Variants in RCAN2 observed in about 807,000 individuals in gnomAD.
RCAN2 encodes the protein calcipressin-2.
RCAN2 carries 9 observed loss-of-function variants against 23.6 expected under a neutral mutation model. The ratio of observed to expected loss-of-function variants is 0.38; its 90% CI spans 0.23 to 0.67. The LOEUF (loss-of-function observed/expected upper bound fraction) is 0.67. Ranked by LOEUF, RCAN2 falls within the 30% of genes least tolerant of loss-of-function variation. The pLI is 0.51. For synonymous variants in RCAN2, 109 were observed against 115.7 expected (o/e 0.94, Z 0.37); for missense variants, 273 against 302.3 (o/e 0.90, Z 0.72).
At chr6:46,352,311 A>G (rs1410036741) in intron 2 of RCAN2, among the ~76,000 whole-genome samples, 1 of 152,202 alleles carries the variant, frequency 6.6e-6, no homozygotes, top group Non-Finnish European at 1.5e-5. Context: ...TAAGTAAGAA[A>G]ATAAAAAGAT....
At chr6:46,441,481 G>A (rs1582204507) in intron 2 of RCAN2, among the ~76,000 whole-genome samples, 1 of 152,116 alleles carries the variant, frequency 6.6e-6, no homozygotes, top group Non-Finnish European at 1.5e-5. Context: ...ATGACACAGT[G>A]CATTCTATGT....
At chr6:46,305,402 C>T (rs890568789) in intron 2 of RCAN2, among the ~76,000 whole-genome samples, 5 of 152,200 alleles carry the variant, frequency 3.3e-5, no homozygotes, top group Middle Eastern at 3.4e-3. Flanking sequence ...ATCACGTTGG[C>T]TCCACTTCCT....
chr6:46,263,201 T>C lies in RCAN2; in HGVS notation c.226-14305A>G, dbSNP rs1268449458. 2.0e-5 allele frequency among the ~76,000 whole-genome samples: 3 copies of C among 152,206 alleles called. No individual in the cohort carries two copies. The South Asian group carries it at 6.2e-4, about 32-fold the overall frequency. ...GTCCTCCCTCCCACACACTACCGTT[T>C]GATGAATTTGTTCTTTTCTTCAAAG... On this transcript the variant is annotated intron_variant, in intron 2 of 4. Transcript: ENST00000371374.
intron 2 of RCAN2, among the ~76,000 whole-genome samples, chr6:46,299,822 C>T (rs1762846441): frequency 1.3e-5 from 2 of 151,772 alleles, no homozygotes; most frequent in African/African-American, 4.8e-5. Flanking sequence ...CAATATTGAA[C>T]ACAGTAAGTG....
At chr6:46,273,377 C>T (rs1022448553) in intron 2 of RCAN2, among the ~76,000 whole-genome samples, 5 of 152,158 alleles carry the variant, frequency 3.3e-5, no homozygotes, top group African/African-American at 9.7e-5. Context: ...ATGGTGTTTG[C>T]GTAGCACTTC....
intron 2 of RCAN2, among the ~76,000 whole-genome samples, chr6:46,330,682 TATTTAA>T (rs912552736): frequency 4.6e-5 from 7 of 152,170 alleles, no homozygotes; most frequent in Non-Finnish European, 7.3e-5. Context: ...ATAGTTTGCT[TATTTAA>T]ATTGGGATCC....
chr6:46,483,064 C>T (rs1206659109), intron 1 of RCAN2, among the ~76,000 whole-genome samples: 3 of 152,112 alleles, frequency 2.0e-5, no homozygotes, highest in South Asian at 2.1e-4. Flanking sequence ...CAGGGGAAAC[C>T]GCTCACCTAG....
intron 4 of RCAN2, among the ~76,000 whole-genome samples, chr6:46,227,170 G>GCTGCT (rs748660777): frequency 1.3e-5 from 2 of 152,182 alleles, no homozygotes; most frequent in Non-Finnish European, 2.9e-5. Flanking sequence ...TTTTTGATGT[G>GCTGCT]CTGCTGGATT....
intron 2 of RCAN2, among the ~76,000 whole-genome samples, chr6:46,414,657 G>A (rs933179967): frequency 6.6e-6 from 1 of 152,166 alleles, no homozygotes; most frequent in East Asian, 1.9e-4. Flanking sequence ...CTTCCCTGGA[G>A]AAAGAGGGAA....
At position 46,433,519 on chromosome 6, in the gene RCAN2, G is replaced by A. The variant is rs1767276862; in HGVS notation, c.225+23233C>T. Among the ~76,000 whole-genome samples the A allele has an allele frequency of 2.0e-5, 3 of 152,226 alleles. No individual in the cohort carries two copies. In the South Asian group the frequency reaches 6.2e-4, roughly 32 times the overall value. ...GAGGGAGGCAAGAGGATCAGACTCAGAGAAGGAGGTGTGTTATTGGAAGCA... is the reference window on the plus strand; with the variant it reads ...GAGGGAGGCAAGAGGATCAGACTCAAAGAAGGAGGTGTGTTATTGGAAGCA... On this transcript the variant is annotated intron_variant, in intron 2 of 4. Transcript: ENST00000371374.
chr6:46,247,803 T>C (rs1298776735), intron 3 of RCAN2, among the ~76,000 whole-genome samples: 7 of 152,248 alleles, frequency 4.6e-5, no homozygotes, highest in African/African-American at 9.6e-5. Flanking sequence ...AATAGTGCTG[T>C]TGTGAACGTG....
chr6:46,312,781 C>T (rs934649135), intron 2 of RCAN2, among the ~76,000 whole-genome samples: 1 of 152,226 alleles, frequency 6.6e-6, no homozygotes, highest in Admixed American at 6.5e-5. Context: ...CACAAGCCCT[C>T]ATCGGGTCTG....
rs183547536 is a variant in RCAN2, at chr6:46,371,566, G to T, written c.225+85186C>A. 2.1e-3 allele frequency among the ~76,000 whole-genome samples: 324 copies of T among 152,336 alleles called. 2 individuals carry two copies. Among genetic ancestry groups the T allele is most frequent in the African/African-American group, 7.3e-3 (304 of 41,586 alleles). ...GATTCATGCTAAGTGAGGGTGTCAG[G>T]ATAGTCTTGGCTTCAAATAACAGAA... On this transcript the variant is annotated intron_variant, in intron 2 of 4. Coordinates refer to ENST00000371374, the MANE Select transcript of RCAN2 (RefSeq NM_001251974.2).
chr6:46,484,804 T>G (rs1035107712), intron 1 of RCAN2, among the ~76,000 whole-genome samples: 1 of 152,188 alleles, frequency 6.6e-6, no homozygotes, highest in Non-Finnish European at 1.5e-5. Flanking sequence ...CACCCACTCA[T>G]CTTCAACTCC....
chr6:46,376,889 A>G (rs1253524562), intron 2 of RCAN2, among the ~76,000 whole-genome samples: 1 of 142,174 alleles, frequency 7.0e-6, no homozygotes, highest in African/African-American at 2.6e-5. Flanking sequence ...CCACAGCTGT[A>G]TTAAGTTTTA....
rs539663347 is a variant in RCAN2 at position 46,292,857 on chromosome 6, C to T, written c.226-43961G>A. Among the ~76,000 whole-genome samples the T allele has an allele frequency of 1.4e-4, 22 of 152,194 alleles. 1 individual carries two copies. In the East Asian group the frequency reaches 2.3e-3, roughly 16 times the overall value. Reference sequence around the variant, plus strand: ...CATCTACATTAGGTATTTCTCCTAACGCTATCCCTCCCCTAGCCCTCCACC... The same window carrying T: ...CATCTACATTAGGTATTTCTCCTAATGCTATCCCTCCCCTAGCCCTCCACC... On this transcript the variant is annotated intron_variant, in intron 2 of 4. Coordinates refer to ENST00000371374, the MANE Select transcript of RCAN2 (RefSeq NM_001251974.2).
chr6:46,485,548 G>A (rs1467860198), intron 1 of RCAN2, among the ~76,000 whole-genome samples: 1 of 152,192 alleles, frequency 6.6e-6, no homozygotes, highest in Non-Finnish European at 1.5e-5. Context: ...TCAGGGCAGA[G>A]GGTCCCTGTT....
intron 2 of RCAN2, among the ~76,000 whole-genome samples, chr6:46,394,759 T>C (rs1355073113): frequency 6.6e-6 from 1 of 152,164 alleles, no homozygotes; most frequent in Non-Finnish European, 1.5e-5. Flanking sequence ...CATTGATCCC[T>C]CTCTCACTGC....
intron 2 of RCAN2, among the ~76,000 whole-genome samples, chr6:46,449,844 A>G (rs1767824419): frequency 6.6e-6 from 1 of 152,004 alleles, no homozygotes; most frequent in African/African-American, 2.4e-5. Flanking sequence ...ATAGACTTAC[A>G]TAAGACTTAA....
Sources: gnomAD v4.1 joint callset for allele counts (sites outside exome capture counted in the v4.1 genomes callset) on GRCh38, gnomAD v4.1.1 for gene constraint, MANE v1.5 for transcripts, NCBI Gene and HGNC (gene_info 2026-07-23, HGNC 2026-07-21) for gene names.